The following OBI1 variants were observed in gnomAD, a reference collection of about 807,000 sequenced individuals.
The protein encoded by OBI1 is ring finger protein 219.
OBI1 carries 59 observed loss-of-function variants against 62.4 expected under a neutral mutation model. The observed-to-expected ratio is 0.95, with a 90% CI of 0.77 to 1.17. The LOEUF (loss-of-function observed/expected upper bound fraction) is 1.17, where lower values mean the gene tolerates loss of function less well. OBI1 is among the 50% of genes most tolerant of loss of function. The probability of loss-of-function intolerance (pLI) is 0.00; values close to 1 mark genes in which losing one functional copy is unlikely to be tolerated. For missense variants in OBI1, 875 were observed against 830.9 expected (o/e 1.05, Z -0.65); for synonymous variants, 302 against 292.8 (o/e 1.03, Z -0.32).
chr13:78,653,781 C>G (rs1876615134), intron 1 of OBI1, among the ~76,000 whole-genome samples: 2 of 152,148 alleles, frequency 1.3e-5, no homozygotes, highest in Admixed American at 6.5e-5. Context: ...AGACAAGAGC[C>G]AACTGTGCTT....
intron 5 of OBI1, among the ~76,000 whole-genome samples, chr13:78,627,859 TAAAA>T (rs767530256): frequency 6.6e-6 from 1 of 152,130 alleles, no homozygotes; most frequent in Non-Finnish European, 1.5e-5. Context: ...CATTTTATGT[TAAAA>T]AAAGACTTCA....
At chr13:78,658,580 G>A (rs1876781416) in intron 1 of OBI1, among the ~76,000 whole-genome samples, 1 of 152,188 alleles carries the variant, frequency 6.6e-6, no homozygotes, top group South Asian at 2.1e-4. Context: ...AAATGGAAAA[G>A]ACTCAATACA....
chr13:78,616,164 C>A lies in OBI1; in HGVS notation c.1597G>T (p.Ala533Ser). ...AACTCAGAGATTTTGTCAAGGTAAG[C>A]AGCATCCATCGATGCTTCACTGGAT... is the stretch of plus-strand genomic sequence containing the variant. ...RTSSEASMDAAYLDKISELDS... is the reference protein window; with the variant it reads ...RTSSEASMDASYLDKISELDS... The change falls in exon 6 of 6, where the codon GCT becomes TCT. Residue 533 changes from alanine to serine, a missense_variant. Ala to Ser is a moderately conservative substitution (Grantham distance 99). Transcript: ENST00000282003. The A allele has an allele frequency of 6.2e-7, 1 of 1,614,080 alleles. No homozygotes were observed. Among genetic ancestry groups the A allele is most frequent in the Non-Finnish European group, 8.5e-7 (1 of 1,179,964 alleles).
Position 78,639,005 on chromosome 13 carries a change from G to T in OBI1, c.367C>A (p.Gln123Lys). Residue 123 changes from glutamine (Q) to lysine (K), a missense_variant, in exon 4 of 6, where the codon CAG (glutamine) becomes AAG (lysine). Physicochemically the swap from Gln to Lys is moderately conservative, Grantham distance 53. Transcript: ENST00000282003. ...LKSKNLSLES[Q>K]IKTILDPLTL... ...AAAGGATCCAGAATAGTTTTGATCTGTGACTCCAAGCTGAGATTTTTACTC... is the reference window on the plus strand; with the variant it reads ...AAAGGATCCAGAATAGTTTTGATCTTTGACTCCAAGCTGAGATTTTTACTC... 1 of 1,613,804 alleles carries T rather than the reference G, an allele frequency of 6.2e-7. No individual in the cohort carries two copies. The highest frequency in any genetic ancestry group is 8.5e-7 in the Non-Finnish European group (1 of 1,179,826).
chr13:78,634,094 CAAAAAA>C (rs773650945), intron 5 of OBI1, among the ~76,000 whole-genome samples: 38 of 86,386 alleles, frequency 4.4e-4, no homozygotes, highest in African/African-American at 1.4e-3. Context: ...AAACAAAAAA[CAAAAAA>C]AAAAAACAAA....
intron 5 of OBI1, among the ~76,000 whole-genome samples, chr13:78,623,253 T>C (rs187593439): frequency 7.1e-6 from 1 of 141,552 alleles, no homozygotes; most frequent in East Asian, 2.0e-4. Flanking sequence ...AAATGAGATA[T>C]ACTGAAAGAG....
At chr13:78,654,320 A>G (rs1196048464) in intron 1 of OBI1, among the ~76,000 whole-genome samples, 1 of 152,220 alleles carries the variant, frequency 6.6e-6, no homozygotes, top group Non-Finnish European at 1.5e-5. Context: ...AATCCTTCAA[A>G]CTTATTTTCA....
At chr13:78,626,661 G>A (rs113461171) in intron 5 of OBI1, among the ~76,000 whole-genome samples, 13 of 152,294 alleles carry the variant, frequency 8.5e-5, no homozygotes, top group African/African-American at 2.6e-4. Context: ...TGATGAATGT[G>A]GGCCCAATGA....
chr13:78,655,697 T>C (rs1876680044), intron 1 of OBI1, among the ~76,000 whole-genome samples: 3 of 152,190 alleles, frequency 2.0e-5, no homozygotes, highest in South Asian at 2.1e-4. Flanking sequence ...TCCTTAATTC[T>C]GTTGAATAAT....
intron 3 of OBI1, among the ~76,000 whole-genome samples, chr13:78,640,474 A>C (rs1401153003): frequency 6.6e-6 from 1 of 152,060 alleles, no homozygotes; most frequent in Non-Finnish European, 1.5e-5. Flanking sequence ...GGTTGTTTGA[A>C]TCCACAGATG....
chr13:78,651,101 T>C (rs1389452593), intron 1 of OBI1, among the ~76,000 whole-genome samples: 2 of 152,056 alleles, frequency 1.3e-5, no homozygotes, highest in Non-Finnish European at 2.9e-5. Flanking sequence ...AGAGATGTTA[T>C]AATTTGAAAA....
intron 5 of OBI1, among the ~76,000 whole-genome samples, chr13:78,623,442 C>T (rs917828407): frequency 6.6e-6 from 1 of 152,060 alleles, no homozygotes; most frequent in African/African-American, 2.4e-5. Context: ...GTGCTATATG[C>T]TTGATATATA....
chr13:78,619,597 G>A (rs1345153859), intron 5 of OBI1, among the ~76,000 whole-genome samples: 2 of 152,054 alleles, frequency 1.3e-5, no homozygotes, highest in African/African-American at 4.8e-5. Context: ...CTTCTCCCAT[G>A]CTAATAAGGG....
At chr13:78,617,252 G>A in intron 5 of OBI1, 130 bp from the exon 6 acceptor site, 1 of 594,904 alleles carries the variant, frequency 1.7e-6, no homozygotes, top group Non-Finnish European at 2.7e-6. Context: ...CAATGAGTAG[G>A]GCAAATGCCA....
chr13:78,616,389 A>T lies in OBI1; in HGVS notation c.1372T>A (p.Cys458Ser), dbSNP rs1483649291. ...SRSENEKKSE[C>S]FSSPKTGFWD... ...AATCCTGTCTTTGGGGAAGAAAAAC[A>T]TTCTGATTTCTTTTCATTTTCACTT... The change falls in exon 6 of 6, where the codon TGT becomes AGT. Residue 458 changes from cysteine (C) to serine (S), a missense_variant. By Grantham distance (112) the Cys-to-Ser change is moderately radical. Coordinates refer to ENST00000282003, the MANE Select transcript of OBI1 (RefSeq NM_024546.4). 4 of 1,613,230 alleles carry T rather than the reference A, an allele frequency of 2.5e-6. No homozygotes were observed. The highest frequency in any genetic ancestry group is 3.4e-6 in the Non-Finnish European group (4 of 1,179,556).
intron 5 of OBI1, among the ~76,000 whole-genome samples, chr13:78,628,846 T>A (rs1220003436): frequency 6.6e-6 from 1 of 152,068 alleles, no homozygotes; most frequent in Non-Finnish European, 1.5e-5. Flanking sequence ...AGGTATAGAA[T>A]CTCTGGTAAA....
At position 78,616,695 on chromosome 13, in the gene OBI1, T is replaced by C. The variant is rs1193383243; in HGVS notation, c.1066A>G (p.Thr356Ala). The change falls in exon 6 of 6, where the codon ACA (threonine) becomes GCA (alanine). Residue 356 changes from threonine to alanine, a missense_variant. By Grantham distance (58) the Thr-to-Ala change is moderately conservative. Transcript: ENST00000282003. ...QEQVEVMLDV[T>A]DTSMDTYLER... The stretch of plus-strand genomic sequence containing the variant: ...AAATAAGTATCCATACTTGTATCTG[T>C]CACATCTAACATTACTTCTACCTGT... 6.2e-7 allele frequency: 1 copy of C among 1,614,210 alleles called. No homozygotes were observed. Among genetic ancestry groups the C allele is most frequent in the African/African-American group, 1.3e-5 (1 of 75,058 alleles).
chr13:78,652,562 T>C (rs958663023), intron 1 of OBI1, among the ~76,000 whole-genome samples: 6 of 152,234 alleles, frequency 3.9e-5, no homozygotes, highest in Non-Finnish European at 5.9e-5. Flanking sequence ...GGAGTAAGCA[T>C]AGTAAAGTGG....
At chr13:78,622,405 G>T (rs1052697038) in intron 5 of OBI1, among the ~76,000 whole-genome samples, 2 of 152,204 alleles carry the variant, frequency 1.3e-5, no homozygotes, top group African/African-American at 4.8e-5. Context: ...TAAAGTAATG[G>T]TTGATATGGG....
Sources: allele counts gnomAD v4.1 joint callset (sites outside exome capture counted in the v4.1 genomes callset), GRCh38; gene constraint gnomAD v4.1.1; transcripts MANE v1.5; gene names NCBI Gene and HGNC (gene_info 2026-07-23, HGNC 2026-07-21).